The following KSR2 variants were observed in gnomAD, a reference collection of about 807,000 sequenced individuals.
KSR2 encodes the protein kinase suppressor of ras 2.
A neutral mutation model predicts 107.8 loss-of-function variants in KSR2; 25 were observed. The ratio of observed to expected loss-of-function variants is 0.23; its 90% confidence interval spans 0.17 to 0.32. The LOEUF is 0.32. Among genes scored for constraint, KSR2 ranks in the 10% least tolerant of loss-of-function variants. The pLI, the probability that KSR2 is intolerant of heterozygous loss-of-function variation, is 1.00. For synonymous variants in KSR2, 480 were observed against 507.0 expected, an observed-to-expected ratio of 0.95 and a Z score of 0.71; for missense variants, 887 against 1,268.9, an observed-to-expected ratio of 0.70 and a Z score of 4.57.
intron 3 of KSR2, among the ~76,000 whole-genome samples, chr12:117,811,557 T>C (rs1265547932): frequency 1.9e-4 from 29 of 152,206 alleles, no homozygotes; most frequent in Admixed American, 1.8e-3. Flanking sequence ...GAAGAACTGC[T>C]TCCCATTAAG....
chr12:117,916,310 T>C (rs1189342448), intron 1 of KSR2, among the ~76,000 whole-genome samples: 2 of 151,918 alleles, frequency 1.3e-5, no homozygotes, highest in Non-Finnish European at 2.9e-5. Flanking sequence ...CTAATTTTTG[T>C]ATTTTTAGTA....
At chr12:117,766,705 G>C (rs577877835) in intron 3 of KSR2, among the ~76,000 whole-genome samples, 1 of 152,168 alleles carries the variant, frequency 6.6e-6, no homozygotes, top group South Asian at 2.1e-4. Flanking sequence ...GGAGGAGGTG[G>C]CACCTAAGCC....
intron 3 of KSR2, among the ~76,000 whole-genome samples, chr12:117,847,491 G>C (rs1238104259): frequency 6.6e-6 from 1 of 152,200 alleles, no homozygotes; most frequent in South Asian, 2.1e-4. Flanking sequence ...CCTGTCTGCA[G>C]CACCCTGGCC....
intron 4 of KSR2, among the ~76,000 whole-genome samples, chr12:117,697,450 A>G (rs1886114310): frequency 6.6e-6 from 1 of 152,222 alleles, no homozygotes; most frequent in Admixed American, 6.5e-5. Context: ...ACACTTCAAT[A>G]AAAAGCTTTC....
At chr12:117,636,213 A>G (rs755133873) in intron 5 of KSR2, among the ~76,000 whole-genome samples, 3 of 152,164 alleles carry the variant, frequency 2.0e-5, no homozygotes, top group Non-Finnish European at 4.4e-5. Flanking sequence ...GAAATATTCC[A>G]CTGCTGGGTA....
intron 7 of KSR2, among the ~76,000 whole-genome samples, chr12:117,572,268 C>A (rs1380889673): frequency 1.3e-5 from 2 of 152,174 alleles, no homozygotes; most frequent in African/African-American, 4.8e-5. Flanking sequence ...ATTACTGCAT[C>A]CACCCGACCT....
At chr12:117,526,602 G>T (rs1287068618) in intron 13 of KSR2, among the ~76,000 whole-genome samples, 1 of 152,204 alleles carries the variant, frequency 6.6e-6, no homozygotes, top group Non-Finnish European at 1.5e-5. Flanking sequence ...ACCCAGAGCA[G>T]TTGCAGAGCT....
At chr12:117,906,437 C>T (rs956829322) in intron 1 of KSR2, among the ~76,000 whole-genome samples, 1 of 151,646 alleles carries the variant, frequency 6.6e-6, no homozygotes, top group Non-Finnish European at 1.5e-5. Flanking sequence ...GGGGAAACCC[C>T]GTCTCTAAAA....
chr12:117,583,424 G>T (rs1382544421), intron 5 of KSR2, among the ~76,000 whole-genome samples: 1 of 146,090 alleles, frequency 6.8e-6, no homozygotes, highest in Non-Finnish European at 1.5e-5. Context: ...TGGATGGATG[G>T]ATGGATGGAT....
At chr12:117,841,051 GT>G (rs1329043364) in intron 3 of KSR2, among the ~76,000 whole-genome samples, 4 of 151,930 alleles carry the variant, frequency 2.6e-5, no homozygotes, top group Non-Finnish European at 5.9e-5. Flanking sequence ...GCAAATTATG[GT>G]CAATGCGGTG....
At chr12:117,734,749 C>CATGGATGGATGG (rs1240974255) in intron 4 of KSR2, among the ~76,000 whole-genome samples, 3 of 149,054 alleles carry the variant, frequency 2.0e-5, no homozygotes, top group South Asian at 2.2e-4. Context: ...TGCATGCATG[C>CATGGATGGATGG]ATGCATGGAT....
chr12:117,618,512 A>G (rs1882004394), intron 5 of KSR2, among the ~76,000 whole-genome samples: 1 of 151,940 alleles, frequency 6.6e-6, no homozygotes, highest in Non-Finnish European at 1.5e-5. Context: ...ATGGCCTGAT[A>G]TGGTTTGGCT....
At chr12:117,467,994 A>G (rs1871245455) in intron 19 of KSR2, among the ~76,000 whole-genome samples, 1 of 150,692 alleles carries the variant, frequency 6.6e-6, no homozygotes, top group South Asian at 2.1e-4. Flanking sequence ...CCCTCCAACC[A>G]GTAAGCTTTA....
intron 4 of KSR2, among the ~76,000 whole-genome samples, chr12:117,747,352 A>G (rs12818307): frequency 0.17 from 24,210 of 146,674 alleles, 2,132 homozygotes; most frequent in East Asian, 0.34. Context: ...AAACCACCAC[A>G]TGTTCTCACT....
intron 5 of KSR2, among the ~76,000 whole-genome samples, chr12:117,639,040 T>C (rs754218000): frequency 6.6e-6 from 1 of 152,118 alleles, no homozygotes; most frequent in African/African-American, 2.4e-5. Flanking sequence ...ATCCCGGCCC[T>C]CATTCAAATA....
intron 7 of KSR2, among the ~76,000 whole-genome samples, chr12:117,575,198 GTC>G (rs1487648247): frequency 5.3e-5 from 8 of 152,142 alleles, no homozygotes; most frequent in African/African-American, 1.4e-4. Flanking sequence ...AAGGGATTTT[GTC>G]TCTTTTATTC....
chr12:117,794,143 CCCCA>C (rs1890470098), intron 3 of KSR2, among the ~76,000 whole-genome samples: 1 of 128,142 alleles, frequency 7.8e-6, no homozygotes, highest in Non-Finnish European at 1.6e-5. Context: ...CATGCACACA[CCCCA>C]ACATGCACAC....
intron 4 of KSR2, among the ~76,000 whole-genome samples, chr12:117,754,537 C>T (rs1258126737): frequency 6.6e-6 from 1 of 152,060 alleles, no homozygotes; most frequent in African/African-American, 2.4e-5. Context: ...GCTCAGGAGG[C>T]TGAGGCAGGA....
chr12:117,945,169 A>G (rs1896142055), intron 1 of KSR2, among the ~76,000 whole-genome samples: 1 of 152,196 alleles, frequency 6.6e-6, no homozygotes, highest in African/African-American at 2.4e-5. Context: ...AACTAGAGAG[A>G]AAATCAGCAA....
Sources: allele counts gnomAD v4.1 joint callset (sites outside exome capture counted in the v4.1 genomes callset), GRCh38; gene constraint gnomAD v4.1.1; transcripts MANE v1.5; gene names NCBI Gene and HGNC (gene_info 2026-07-23, HGNC 2026-07-21).